Variants in HIF1A observed in about 807,000 individuals in gnomAD.
The protein encoded by HIF1A is hypoxia inducible factor 1 subunit alpha.
A neutral mutation model predicts 92.7 loss-of-function variants in HIF1A; 24 were observed. The observed-to-expected ratio is 0.26, with a 90% CI of 0.19 to 0.36. HIF1A has a LOEUF of 0.36. Among genes scored for constraint, HIF1A ranks in the 10% least tolerant of loss-of-function variants. The pLI is 1.00. For synonymous variants in HIF1A, 319 were observed against 338.7 expected (o/e 0.94, Z 0.64); for missense variants, 799 against 998.5 (o/e 0.80, Z 2.69).
intron 1 of HIF1A, among the ~76,000 whole-genome samples, chr14:61,697,262 A>G (rs1810361988): frequency 6.6e-6 from 1 of 152,190 alleles, no homozygotes; most frequent in Non-Finnish European, 1.5e-5. Context: ...AAGTGAGCAA[A>G]CAGGTCTAGA....
In HIF1A at chr14:61,743,523, A is replaced by G. The variant is rs551428134; in HGVS notation, c.2094-1182A>G. Among the ~76,000 whole-genome samples the G allele has an allele frequency of 1.7e-4, 26 of 152,386 alleles. No individual in the cohort carries two copies. The South Asian group carries it at 5.0e-3, about 29-fold the overall frequency. On this transcript the variant is annotated intron_variant, in intron 12 of 14. Transcript: ENST00000337138. Reference sequence around the variant, plus strand: ...TACATAATAGACTGAGTTACATTTCATAAAGACAATATATCTGTATAAGAA... The same window carrying G: ...TACATAATAGACTGAGTTACATTTCGTAAAGACAATATATCTGTATAAGAA...
At chr14:61,707,694 T>A (rs2044256660) in intron 1 of HIF1A, among the ~76,000 whole-genome samples, 1 of 151,218 alleles carries the variant, frequency 6.6e-6, no homozygotes, top group African/African-American at 2.4e-5. Context: ...ATTTTCTTAA[T>A]CCAGTCTATC....
At chr14:61,726,483 G>C (rs1400351268) in intron 4 of HIF1A, 4 of 333,598 alleles carry the variant, frequency 1.2e-5, no homozygotes, top group Non-Finnish European at 2.2e-5. Context: ...TCCCAAATAT[G>C]GATTATCTTT....
rs1329776392 is a variant in HIF1A, at chr14:61,721,968, CTA to C, written c.457+147_457+148del. The C allele has an allele frequency of 5.2e-6, 3 of 579,814 alleles. No individual in the cohort carries two copies. The East Asian group carries it at 8.5e-5, about 16-fold the overall frequency. 35.9% of individuals were successfully genotyped at this position (579,814 alleles called of 1,614,324 possible). A position where few individuals can be genotyped will look rare whatever the true frequency, so the allele number is the denominator to read the frequency against. ...ATAAAATGTCTATTCTTTGTTAAAA[CTA>C]TTATTTTAGTTTTTAGGAATTTCAT... On this transcript the variant is annotated intron_variant, in intron 4 of 14. Coordinates refer to ENST00000337138, the MANE Select transcript of HIF1A (RefSeq NM_001530.4).
chr14:61,727,341 A>T lies in HIF1A; in HGVS notation c.571-112A>T. The T allele has an allele frequency of 4.0e-6, 3 of 748,082 alleles. No homozygotes were observed. In the Admixed American group the frequency reaches 7.1e-5, roughly 18 times the overall value. 46.3% of individuals were successfully genotyped at this position (748,082 alleles called of 1,614,324 possible). A position where few individuals can be genotyped will look rare whatever the true frequency, so the allele number is the denominator to read the frequency against. ...AAAACGTGATTAATCCACTAGTGACAGTAAATTTTATCAAAGCTTACTGGC... is the reference window on the plus strand; with the variant it reads ...AAAACGTGATTAATCCACTAGTGACTGTAAATTTTATCAAAGCTTACTGGC... On this transcript the variant is annotated intron_variant, in intron 5 of 14. Transcript: ENST00000337138.
chr14:61,708,037 T>A (rs1344039566), intron 1 of HIF1A, among the ~76,000 whole-genome samples: 1 of 152,146 alleles, frequency 6.6e-6, no homozygotes, highest in Non-Finnish European at 1.5e-5. Flanking sequence ...TGGTTTTGAT[T>A]TGCATTTCTC....
chr14:61,716,332 A>T (rs575649123), intron 1 of HIF1A, among the ~76,000 whole-genome samples: 1 of 152,350 alleles, frequency 6.6e-6, no homozygotes, highest in Admixed American at 6.5e-5. Flanking sequence ...TCAGAATGTC[A>T]GTCCTGTAGA....
At chr14:61,698,097 T>C in intron 1 of HIF1A, 2 of 448,326 alleles carry the variant, frequency 4.5e-6, no homozygotes, top group Non-Finnish European at 7.5e-6. Context: ...TGTTTCAGGC[T>C]TCAGGCCAGA....
At chr14:61,733,367 A>G (rs1161256494) in intron 7 of HIF1A, among the ~76,000 whole-genome samples, 5 of 152,210 alleles carry the variant, frequency 3.3e-5, no homozygotes. Context: ...TTTCTTTAAA[A>G]TGTACAATTA....
At chr14:61,710,568 T>C (rs944787360) in intron 1 of HIF1A, among the ~76,000 whole-genome samples, 10 of 152,222 alleles carry the variant, frequency 6.6e-5, no homozygotes, top group Admixed American at 1.3e-4. Context: ...CTTGAAAATG[T>C]AATTTATATT....
At chr14:61,739,512 G>C (rs1228817381) in intron 10 of HIF1A, among the ~76,000 whole-genome samples, 1 of 152,152 alleles carries the variant, frequency 6.6e-6, no homozygotes, top group Non-Finnish European at 1.5e-5. Context: ...GCTAAGAGTA[G>C]GGGATTTGAC....
chr14:61,721,440 A>C, intron 2 of HIF1A, 69 bp from the exon 3 acceptor site: 1 of 1,347,070 alleles, frequency 7.4e-7, no homozygotes, highest in Non-Finnish European at 1.0e-6. Flanking sequence ...TTGTAAAAAC[A>C]TCTAAATATT....
chr14:61,700,871 T>C (rs1488509452), intron 1 of HIF1A, among the ~76,000 whole-genome samples: 1 of 152,206 alleles, frequency 6.6e-6, no homozygotes, highest in Admixed American at 6.5e-5. Context: ...ATCTAATATG[T>C]TGAAGTGATT....
rs190702571 is a variant in HIF1A, at chr14:61,735,146, T to C, written c.1028+861T>C. ...TACTACCAGGCTAAGCTTTCTAGTG[T>C]GGATATGTCATCATCTTATTTTCCT... On this transcript the variant is annotated intron_variant, in intron 8 of 14. Transcript: ENST00000337138. Among the ~76,000 whole-genome samples, 12 of 152,346 alleles carry C rather than the reference T, an allele frequency of 7.9e-5. No individual in the cohort carries two copies. The East Asian group carries it at 1.5e-3, about 20-fold the overall frequency.
chr14:61,738,012 G>A, intron 9 of HIF1A, 75 bp from the exon 10 acceptor site: 1 of 1,259,472 alleles, frequency 7.9e-7, no homozygotes, highest in Non-Finnish European at 1.1e-6. Context: ...GGGCAACAGA[G>A]CAAGACTCTG....
At chr14:61,727,733 T>G (rs1053022050) in intron 6 of HIF1A, 78 bp downstream of exon 6, 1 of 1,109,654 alleles carries the variant, frequency 9.0e-7, no homozygotes, top group Non-Finnish European at 1.4e-6. Context: ...TAGCAAAGAT[T>G]CAGCGCTGGC....
chr14:61,711,276 C>CTCACTGCT (rs2044305055), intron 1 of HIF1A, among the ~76,000 whole-genome samples: 1 of 142,066 alleles, frequency 7.0e-6, no homozygotes, highest in Non-Finnish European at 1.5e-5. Context: ...ACAATCACAG[C>CTCACTGCT]TCACTGCAGC....
At chr14:61,732,621 C>T (rs2044590223) in intron 7 of HIF1A, 97 bp downstream of exon 7, 2 of 727,834 alleles carry the variant, frequency 2.7e-6, no homozygotes, top group Admixed American at 2.1e-5. Flanking sequence ...GTTAAAAGTT[C>T]TAGACTAAAT....
intron 9 of HIF1A, 103 bp downstream of exon 9, chr14:61,737,212 T>C (rs2044648081): frequency 1.3e-6 from 1 of 745,782 alleles, no homozygotes; most frequent in Admixed American, 2.8e-5. Context: ...CATTTGGACA[T>C]TACAAGCTAA....
Sources: gnomAD v4.1 joint callset for allele counts (sites outside exome capture counted in the v4.1 genomes callset) on GRCh38, gnomAD v4.1.1 for gene constraint, MANE v1.5 for transcripts, NCBI Gene and HGNC (gene_info 2026-07-23, HGNC 2026-07-21) for gene names.